PRIM2: variants seen among roughly 807,000 people sequenced by gnomAD.
PRIM2 encodes the protein DNA primase subunit 2.
PRIM2 carries 39 observed loss-of-function variants against 67.3 expected under a neutral mutation model. The ratio of observed to expected loss-of-function variants is 0.58; its 90% confidence interval spans 0.45 to 0.76. PRIM2 has a LOEUF of 0.76. Ranked by LOEUF, PRIM2 falls within the 30% of genes least tolerant of loss-of-function variation. PRIM2 has a pLI of 0.00. For synonymous variants in PRIM2, 143 were observed against 198.7 expected, an observed-to-expected ratio of 0.72 and a Z score of 2.36; for missense variants, 398 against 598.7, an observed-to-expected ratio of 0.66 and a Z score of 3.50.
chr6:57,270,374 A>T, the PRIM2 span, among the ~76,000 whole-genome samples: 3 of 151,922 alleles, frequency 2.0e-5, no homozygotes, highest in South Asian at 6.2e-4. Context: ...TTCCTAGGTA[A>T]TTTATTCTCT....
intron 12 of PRIM2, among the ~76,000 whole-genome samples, chr6:57,622,266 T>C (rs1776872562): frequency 2.6e-4 from 40 of 152,252 alleles, no homozygotes. Flanking sequence ...TAAAATATAT[T>C]ACTGAAAGTA....
chr6:57,392,999 A>ATT (rs1770404893), intron 7 of PRIM2, among the ~76,000 whole-genome samples: 1 of 98,858 alleles, frequency 1.0e-5, no homozygotes, highest in Admixed American at 9.6e-5. Context: ...AGTATTCCTT[A>ATT]TTATATATAT....
chr6:57,260,073 A>G, the PRIM2 span, among the ~76,000 whole-genome samples: 3 of 152,182 alleles, frequency 2.0e-5, no homozygotes, highest in South Asian at 6.2e-4. Flanking sequence ...GCATTCCTCA[A>G]TAATTACTCT....
At position 57,646,370 on chromosome 6, in the gene PRIM2, A is replaced by T; in HGVS notation, c.*212A>T. ...CAGGTGTGCACCTCATATCCAGATA[A>T]TTTTTTTCAATTTTTTTTTGTAGAG... On this transcript the variant is annotated 3_prime_UTR_variant, in exon 14 of 14. Coordinates refer to ENST00000615550, the MANE Select transcript of PRIM2 (RefSeq NM_000947.5). 1 of 497,486 alleles carries T rather than the reference A, an allele frequency of 2.0e-6. No individual in the cohort carries two copies. Among genetic ancestry groups the T allele is most frequent in the Non-Finnish European group, 3.6e-6 (1 of 281,336 alleles). The allele number at this position is 497,486 out of a possible 1,614,324, so 30.8% of individuals were successfully genotyped here.
chr6:57,224,367 A>T, the PRIM2 span, among the ~76,000 whole-genome samples: 1 of 152,204 alleles, frequency 6.6e-6, no homozygotes, highest in Admixed American at 6.5e-5. Context: ...GATTCAACTT[A>T]TATAAGGTAC....
chr6:57,587,142 A>G (rs1776203639), intron 10 of PRIM2: 1 of 152,242 alleles, frequency 6.6e-6, no homozygotes, highest in Admixed American at 6.5e-5. Context: ...ATTGCCTTAA[A>G]GTATTCAGTG....
chr6:57,436,603 G>A (rs185877630), intron 7 of PRIM2, among the ~76,000 whole-genome samples: 1 of 152,274 alleles, frequency 6.6e-6, no homozygotes, highest in East Asian at 1.9e-4. Flanking sequence ...GGCTTTAAAA[G>A]TTGTGCATTA....
intron 5 of PRIM2, among the ~76,000 whole-genome samples, chr6:57,356,957 G>A (rs181286283): frequency 7.4e-6 from 1 of 134,430 alleles, no homozygotes; most frequent in South Asian, 2.3e-4. Context: ...TTTTTGACAC[G>A]GAGTCTTGCT....
intron 13 of PRIM2, among the ~76,000 whole-genome samples, chr6:57,643,023 T>C (rs1460059938): frequency 6.6e-6 from 1 of 152,184 alleles, no homozygotes; most frequent in South Asian, 2.1e-4. Context: ...TATTTAGATT[T>C]CATAGAACAA....
chr6:57,473,354 C>T (rs1773383372), intron 7 of PRIM2, among the ~76,000 whole-genome samples: 1 of 152,184 alleles, frequency 6.6e-6, no homozygotes, highest in Non-Finnish European at 1.5e-5. Flanking sequence ...CTTATAGCAC[C>T]ATGCCAGACT....
At chr6:57,402,921 C>T (rs1770761059) in intron 7 of PRIM2, among the ~76,000 whole-genome samples, 1 of 152,058 alleles carries the variant, frequency 6.6e-6, no homozygotes, top group African/African-American at 2.4e-5. Context: ...GAATCATTGT[C>T]AGCTACTGGT....
At chr6:57,638,756 T>G (rs1777172152) in intron 13 of PRIM2, among the ~76,000 whole-genome samples, 1 of 152,038 alleles carries the variant, frequency 6.6e-6, no homozygotes, top group East Asian at 1.9e-4. Flanking sequence ...GCCAGATTCA[T>G]AAAGCGAGTT....
chr6:57,464,991 G>A (rs1773138998), intron 7 of PRIM2, among the ~76,000 whole-genome samples: 1 of 152,084 alleles, frequency 6.6e-6, no homozygotes, highest in Non-Finnish European at 1.5e-5. Flanking sequence ...TTACATCCTT[G>A]GCAACTATGT....
At chr6:57,281,855 C>T in the PRIM2 span, among the ~76,000 whole-genome samples, 3 of 152,130 alleles carry the variant, frequency 2.0e-5, no homozygotes, top group African/African-American at 7.2e-5. Context: ...AAAAGCCATA[C>T]AACTGAGTTT....
chr6:57,362,918 G>C (rs906498531), intron 5 of PRIM2, among the ~76,000 whole-genome samples: 2 of 152,172 alleles, frequency 1.3e-5, no homozygotes, highest in Non-Finnish European at 2.9e-5. Context: ...TCAAAGACTT[G>C]ATCAGTTTAA....
chr6:57,560,178 A>T (rs1775599789), intron 10 of PRIM2, among the ~76,000 whole-genome samples: 2 of 152,112 alleles, frequency 1.3e-5, no homozygotes, highest in Non-Finnish European at 2.9e-5. Flanking sequence ...TTGTCATTTC[A>T]ACAGTGTTCA....
At position 57,325,967 on chromosome 6, in the gene PRIM2, C is replaced by A; in HGVS notation, c.381C>A (p.Leu127=). 1.2e-6 allele frequency: 2 copies of A among 1,610,762 alleles called. No individual in the cohort carries two copies. Among genetic ancestry groups the A allele is most frequent in the Admixed American group, 3.3e-5 (2 of 59,758 alleles). Residue 127 remains leucine (L), a synonymous_variant, in exon 5 of 14, where the codon CTC becomes CTA. Coordinates refer to ENST00000615550, the MANE Select transcript of PRIM2 (RefSeq NM_000947.5). ...RRWFIQQEMD[L]LRFRFSILPK... ...GGTTCATTCAACAAGAAATGGATCT[C>A]CTTCGATTTAGATTTAGTATTTTAC...
the PRIM2 span, among the ~76,000 whole-genome samples, chr6:57,261,724 G>C: frequency 1.3e-5 from 2 of 152,156 alleles, no homozygotes; most frequent in Non-Finnish European, 2.9e-5. Flanking sequence ...GAGACTGGGA[G>C]ATAAAAGGAA....
the PRIM2 span, among the ~76,000 whole-genome samples, chr6:57,279,028 T>C: frequency 6.6e-6 from 1 of 152,226 alleles, no homozygotes; most frequent in Non-Finnish European, 1.5e-5. Context: ...AGGAGTACAG[T>C]CTCTGAAGCA....
Sources: allele counts gnomAD v4.1 joint callset (sites outside exome capture counted in the v4.1 genomes callset), GRCh38; gene constraint gnomAD v4.1.1; transcripts MANE v1.5; gene names NCBI Gene and HGNC (gene_info 2026-07-23, HGNC 2026-07-21).